The following CSNK1D variants were observed in gnomAD, a reference collection of about 807,000 sequenced individuals.
CSNK1D encodes casein kinase I isoform delta.
In CSNK1D, 16 loss-of-function variants were observed where a neutral mutation model predicts 46.6. The ratio of observed to expected loss-of-function variants is 0.34; its 90% CI spans 0.23 to 0.52. The LOEUF is 0.52. CSNK1D is among the 20% of genes least tolerant of loss of function. The probability of loss-of-function intolerance (pLI) is 0.95; values close to 1 mark genes in which losing one functional copy is unlikely to be tolerated. For synonymous variants in CSNK1D, 276 were observed against 228.2 expected (o/e 1.21, Z -1.89); for missense variants, 398 against 578.4 (o/e 0.69, Z 3.20).
chr17:82,244,507 G>C lies in CSNK1D; in HGVS notation c.*274C>G. On this transcript the variant is annotated 3_prime_UTR_variant, in exon 9 of 9. Coordinates refer to ENST00000314028, the MANE Select transcript of CSNK1D (RefSeq NM_001893.6). ...AGGGAGCTGAGGCCCTGGAAAAGGA[G>C]TCTGATTCTCTGCAATTCTCTCTCT... 3 of 1,422,862 alleles carry C rather than the reference G, an allele frequency of 2.1e-6. No individual in the cohort carries two copies. Among genetic ancestry groups the C allele is most frequent in the South Asian group, 2.9e-5 (2 of 69,760 alleles). 88.1% of individuals were successfully genotyped at this position (1,422,862 alleles called of 1,614,324 possible).
chr17:82,257,100 C>T (rs754408645), intron 2 of CSNK1D, among the ~76,000 whole-genome samples: 1 of 152,316 alleles, frequency 6.6e-6, no homozygotes, highest in South Asian at 2.1e-4. Context: ...GGTAGGACTA[C>T]AGGTGGGCGC....
rs907549108 is a variant in CSNK1D, at chr17:82,252,216, G to C, written c.736+218C>G. ...CCTGCCATCTCTCCAGGGCCTCCAA[G>C]TACTCCCCACGCTGATGGGCACTTG... On this transcript the variant is annotated intron_variant, in intron 5 of 8. Coordinates refer to ENST00000314028, the MANE Select transcript of CSNK1D (RefSeq NM_001893.6). This position sits in a 1 kb window ranked among gnomAD's most constrained non-coding sequence, Gnocchi z 4.6. 1.3e-5 allele frequency among the ~76,000 whole-genome samples: 2 copies of C among 152,224 alleles called. No individual in the cohort carries two copies. The highest frequency in any genetic ancestry group is 2.9e-5 in the Non-Finnish European group (2 of 68,032).
At chr17:82,270,340 C>T (rs2051587412) in intron 1 of CSNK1D, among the ~76,000 whole-genome samples, 1 of 152,192 alleles carries the variant, frequency 6.6e-6, no homozygotes, top group Admixed American at 6.5e-5. Flanking sequence ...CACAGCCTTC[C>T]CCCCTTCCTG....
Position 82,248,903 on chromosome 17 carries a change from TGTC to T in CSNK1D, c.1166_1168del (p.Arg389del). 1 of 1,610,340 alleles carries T rather than the reference TGTC, an allele frequency of 6.2e-7. No individual in the cohort carries two copies. Among genetic ancestry groups the T allele is most frequent in the Non-Finnish European group, 8.5e-7 (1 of 1,178,112 alleles). On this transcript the variant is annotated inframe_deletion, in exon 8 of 9. Coordinates refer to ENST00000314028, the MANE Select transcript of CSNK1D (RefSeq NM_001893.6). The surrounding 1 kb of genome is among the most constrained non-coding windows in gnomAD (Gnocchi z 4.1). ...TGAGGTGGACATGCGAGAGGTATCTTGTCGGCCTGTGAGGTCGGACGAGGAGAT... is the reference window on the plus strand; with the variant it reads ...TGAGGTGGACATGCGAGAGGTATCTTGGCCTGTGAGGTCGGACGAGGAGAT...
intron 2 of CSNK1D, among the ~76,000 whole-genome samples, chr17:82,261,390 G>A (rs1190210044): frequency 6.6e-6 from 1 of 152,126 alleles, no homozygotes; most frequent in African/African-American, 2.4e-5. Context: ...GGTGCCCGAA[G>A]GTAGCTAAAC....
At position 82,255,208 on chromosome 17, in the gene CSNK1D, C is replaced by T; in HGVS notation, c.336+221G>A. 1.6e-6 allele frequency: 1 copy of T among 614,126 alleles called. No homozygotes were observed. The highest frequency in any genetic ancestry group is 2.9e-6 in the Non-Finnish European group (1 of 343,840). 38.0% of individuals were successfully genotyped at this position (614,126 alleles called of 1,614,324 possible). A position where few individuals can be genotyped will look rare whatever the true frequency, so the allele number is the denominator to read the frequency against. ...GCTGGGCCGCCGGAGCCTCGAGAAG[C>T]CAGTGAGCTGGGCCGCCGGAGCCTC... is the stretch of plus-strand genomic sequence containing the variant. On this transcript the variant is annotated intron_variant, in intron 3 of 8. Transcript: ENST00000314028. This position sits in a 1 kb window ranked among gnomAD's most constrained non-coding sequence, Gnocchi z 5.9.
Position 82,243,469 on chromosome 17 carries a change from G to A in CSNK1D, c.*1312C>T. 1 of 985,542 alleles carries A rather than the reference G, an allele frequency of 1.0e-6. No individual in the cohort carries two copies. The highest frequency in any genetic ancestry group is 1.2e-6 in the Non-Finnish European group (1 of 829,976). 61.0% of individuals were successfully genotyped at this position (985,542 alleles called of 1,614,324 possible). A position where few individuals can be genotyped will look rare whatever the true frequency, so the allele number is the denominator to read the frequency against. On this transcript the variant is annotated 3_prime_UTR_variant, in exon 9 of 9. Transcript: ENST00000314028. ...TCAGGGCACAGCAGCATGGAGCCTG[G>A]GGCAGCACCAGCTCACGGAGGCCAC...
rs1017363475 is a variant in CSNK1D at position 82,246,101 on chromosome 17, G to A, written c.1198-1270C>T. 16 of 1,564,950 alleles carry A rather than the reference G, an allele frequency of 1.0e-5. No homozygotes were observed. The East Asian group carries it at 1.2e-4, about 12-fold the overall frequency. ...CGCTGGCCCCCTGACTACCTGTGTCGGCTCCATGTCCAGATGGGCATCCTT... is the reference window on the plus strand; with the variant it reads ...CGCTGGCCCCCTGACTACCTGTGTCAGCTCCATGTCCAGATGGGCATCCTT... On this transcript the variant is annotated intron_variant, in intron 8 of 8. Transcript: ENST00000314028.
At chr17:82,262,008 T>C (rs1475197662) in intron 2 of CSNK1D, among the ~76,000 whole-genome samples, 1 of 152,214 alleles carries the variant, frequency 6.6e-6, no homozygotes, top group Non-Finnish European at 1.5e-5. Flanking sequence ...AAGGCTGCTT[T>C]TGGGGGATGT....
rs541518943 is a variant in CSNK1D at position 82,252,903 on chromosome 17, T to G, written c.565+113A>C. 4 of 1,005,034 alleles carry G rather than the reference T, an allele frequency of 4.0e-6. No individual in the cohort carries two copies. The African/African-American group carries it at 4.8e-5, about 12-fold the overall frequency. The allele number at this position is 1,005,034 out of a possible 1,614,324, so 62.3% of individuals were successfully genotyped here. A position where few individuals can be genotyped will look rare whatever the true frequency, so the allele number is the denominator to read the frequency against. On this transcript the variant is annotated intron_variant, in intron 4 of 8. Coordinates refer to ENST00000314028, the MANE Select transcript of CSNK1D (RefSeq NM_001893.6). This position sits in a 1 kb window ranked among gnomAD's most constrained non-coding sequence, Gnocchi z 4.6. Reference sequence around the variant, plus strand: ...CGAGCCAGCCTGTCTGCCGCAAAGGTCTGATGACACGCTTGCAGCCCCAGC... The same window carrying G: ...CGAGCCAGCCTGTCTGCCGCAAAGGGCTGATGACACGCTTGCAGCCCCAGC...
Position 82,243,618 on chromosome 17 carries a change from G to C in CSNK1D, c.*1163C>G, listed in dbSNP as rs995769978. 13 of 985,400 alleles carry C rather than the reference G, an allele frequency of 1.3e-5. No homozygotes were observed. The highest frequency in any genetic ancestry group is 1.3e-5 in the Non-Finnish European group (11 of 829,970). 61.0% of individuals were successfully genotyped at this position (985,400 alleles called of 1,614,324 possible). ...CCGTGAAGGTTCTGGGTCCGGTTGG[G>C]AGAGTCACCTGCTCCTTGGCACCTC... On this transcript the variant is annotated 3_prime_UTR_variant, in exon 9 of 9. Coordinates refer to ENST00000314028, the MANE Select transcript of CSNK1D (RefSeq NM_001893.6).
In CSNK1D at chr17:82,244,143, C is replaced by G; in HGVS notation, c.*638G>C. ...AGAGGTCCCACCACACACGGGCACA[C>G]ACACACACCACGGACTTTTGATGAG... is the stretch of plus-strand genomic sequence containing the variant. On this transcript the variant is annotated 3_prime_UTR_variant, in exon 9 of 9. Transcript: ENST00000314028. 1 of 1,003,992 alleles carries G rather than the reference C, an allele frequency of 1.0e-6. No homozygotes were observed. Among genetic ancestry groups the G allele is most frequent in the Non-Finnish European group, 1.2e-6 (1 of 839,654 alleles). The allele number at this position is 1,003,992 out of a possible 1,614,324, so 62.2% of individuals were successfully genotyped here. A position where few individuals can be genotyped will look rare whatever the true frequency, so the allele number is the denominator to read the frequency against.
intron 2 of CSNK1D, among the ~76,000 whole-genome samples, chr17:82,264,008 G>A (rs2051405009): frequency 6.6e-6 from 1 of 152,188 alleles, no homozygotes; most frequent in Non-Finnish European, 1.5e-5. Flanking sequence ...CTCTGTAACG[G>A]GTTCCCCAGG....
At chr17:82,246,049 G>C (rs573694274) in intron 8 of CSNK1D, 1 of 1,606,996 alleles carries the variant, frequency 6.2e-7, no homozygotes, top group African/African-American at 1.3e-5. Flanking sequence ...TCTGAGGTGG[G>C]GAAAAGACAG....
downstream of CSNK1D, among the ~76,000 whole-genome samples, chr17:82,241,283 C>T (rs2050738791): frequency 6.6e-6 from 1 of 152,158 alleles, no homozygotes; most frequent in South Asian, 2.1e-4. Flanking sequence ...CACAGGGGAC[C>T]CAGAAAGGGC....
At chr17:82,266,492 A>G (rs914403106) in intron 1 of CSNK1D, among the ~76,000 whole-genome samples, 7 of 152,190 alleles carry the variant, frequency 4.6e-5, no homozygotes, top group Admixed American at 2.0e-4. Context: ...ATCTAATACC[A>G]TGACGATCGG....
In CSNK1D at chr17:82,249,339, C is replaced by T; in HGVS notation, c.1057+92G>A. 2.3e-6 allele frequency: 3 copies of T among 1,292,160 alleles called. No individual in the cohort carries two copies. The highest frequency in any genetic ancestry group is 3.2e-6 in the Non-Finnish European group (3 of 926,666). The allele number at this position is 1,292,160 out of a possible 1,614,324, so 80.0% of individuals were successfully genotyped here. On this transcript the variant is annotated intron_variant, in intron 7 of 8. Coordinates refer to ENST00000314028, the MANE Select transcript of CSNK1D (RefSeq NM_001893.6). This position sits in a 1 kb window ranked among gnomAD's most constrained non-coding sequence, Gnocchi z 6.7. ...TCGCCTGACACAGGGCACTTAGTGT[C>T]CACCACCAAGTACCCTGTTGTCCCC...
Position 82,250,217 on chromosome 17 carries a change from G to C in CSNK1D, c.886-615C>G. ...AGATTCTAACTGCCAATGCTGTGCGGCAGGGGCCTGCAAACTACAGCCCCG... is the reference window on the plus strand; with the variant it reads ...AGATTCTAACTGCCAATGCTGTGCGCCAGGGGCCTGCAAACTACAGCCCCG... On this transcript the variant is annotated intron_variant, in intron 6 of 8. Transcript: ENST00000314028. This position sits in a 1 kb window ranked among gnomAD's most constrained non-coding sequence, Gnocchi z 4.6. The C allele has an allele frequency of 7.8e-7, 1 of 1,289,748 alleles. No individual in the cohort carries two copies. Among genetic ancestry groups the C allele is most frequent in the Non-Finnish European group, 1.0e-6 (1 of 988,780 alleles). The allele number at this position is 1,289,748 out of a possible 1,614,324, so 79.9% of individuals were successfully genotyped here.
intron 3 of CSNK1D, chr17:82,253,681 A>G: frequency 2.9e-6 from 1 of 348,078 alleles, no homozygotes; most frequent in South Asian, 2.3e-5. Flanking sequence ...GTGGCCTCCA[A>G]GCCAGTGAGC....
Sources: allele counts gnomAD v4.1 joint callset (sites outside exome capture counted in the v4.1 genomes callset), GRCh38; gene constraint gnomAD v4.1.1; non-coding constraint Gnocchi (gnomAD v3.1); transcripts MANE v1.5; gene names NCBI Gene and HGNC (gene_info 2026-07-23, HGNC 2026-07-21).